The following TIE1 variants were observed in gnomAD, a reference collection of about 807,000 sequenced individuals.
TIE1 encodes tyrosine-protein kinase receptor Tie-1.
Under a neutral mutation model 130.5 loss-of-function variants are expected in TIE1, and 89 were observed. The observed-to-expected ratio is 0.68, with a 90% CI of 0.57 to 0.81. The LOEUF is 0.81. Among genes scored for constraint, TIE1 ranks in the 40% least tolerant of loss-of-function variants. The pLI, the probability that TIE1 is intolerant of heterozygous loss-of-function variation, is 0.00. For synonymous variants in TIE1, 568 were observed against 629.4 expected, an observed-to-expected ratio of 0.90 and a Z score of 1.46; for missense variants, 1,392 against 1,559.8, an observed-to-expected ratio of 0.89 and a Z score of 1.81.
chr1:43,313,635 A>T lies in TIE1; in HGVS notation c.2219-143A>T, dbSNP rs1646828031. On this transcript the variant is annotated intron_variant, in intron 13 of 22. Transcript: ENST00000372476. This position sits in a 1 kb window ranked among gnomAD's most constrained non-coding sequence, Gnocchi z 6.2. ...TCATGTCGCCCCTCTGACACCCCTC[A>T]TCCCTTCCTTCATGTGGCCCAAGTG... The T allele has an allele frequency of 1.9e-6, 2 of 1,053,412 alleles. No individual in the cohort carries two copies. Among genetic ancestry groups the T allele is most frequent in the African/African-American group, 3.2e-5 (2 of 62,260 alleles). 65.3% of individuals were successfully genotyped at this position (1,053,412 alleles called of 1,614,324 possible).
rs757189458 is a variant in TIE1 at position 43,313,493 on chromosome 1, A to G, written c.2218+68A>G. Reference sequence around the variant, plus strand: ...GGAGAGCTCAGCACGCTCTCCTTCCACATCACCCCCTACTGTGGAGCTAGG... The same window carrying G: ...GGAGAGCTCAGCACGCTCTCCTTCCGCATCACCCCCTACTGTGGAGCTAGG... On this transcript the variant is annotated intron_variant, in intron 13 of 22. Transcript: ENST00000372476. This position sits in a 1 kb window ranked among gnomAD's most constrained non-coding sequence, Gnocchi z 6.2. 5 of 1,571,978 alleles carry G rather than the reference A, an allele frequency of 3.2e-6. No individual in the cohort carries two copies. The highest frequency in any genetic ancestry group is 4.3e-6 in the Non-Finnish European group (5 of 1,152,530).
At position 43,307,603 on chromosome 1, in the gene TIE1, C is replaced by G; in HGVS notation, c.913+31C>G. ...CCTAACCTACCCTCATGGTCCCTGA[C>G]CAAGACAGCTGGCCAGGAGCTTGAC... is the stretch of plus-strand genomic sequence containing the variant. On this transcript the variant is annotated intron_variant, in intron 6 of 22. Coordinates refer to ENST00000372476, the MANE Select transcript of TIE1 (RefSeq NM_005424.5). The surrounding 1 kb of genome is among the most constrained non-coding windows in gnomAD (Gnocchi z 5.4). 1 of 1,613,586 alleles carries G rather than the reference C, an allele frequency of 6.2e-7. No homozygotes were observed. The highest frequency in any genetic ancestry group is 8.5e-7 in the Non-Finnish European group (1 of 1,179,690).
chr1:43,301,229 T>C (rs1424614057), intron 1 of TIE1, 100 bp downstream of exon 1: 17 of 1,331,076 alleles, frequency 1.3e-5, no homozygotes, highest in South Asian at 5.8e-5. Flanking sequence ...AGTAGGATGA[T>C]GGTTGCCATG....
At position 43,317,128 on chromosome 1, in the gene TIE1, C is replaced by T. The variant is rs1284769703; in HGVS notation, c.2410-71C>T. The stretch of plus-strand genomic sequence containing the variant: ...CTGACACTGAAACCTCCTCGTGTGC[C>T]TGTCTGTGCCTCCTTCCGCCCCCTT... On this transcript the variant is annotated intron_variant, in intron 14 of 22. Transcript: ENST00000372476. This position sits in a 1 kb window ranked among gnomAD's most constrained non-coding sequence, Gnocchi z 5.1. The T allele has an allele frequency of 2.6e-6, 4 of 1,514,064 alleles. No homozygotes were observed. Among genetic ancestry groups the T allele is most frequent in the African/African-American group, 2.7e-5 (2 of 72,948 alleles). The allele number at this position is 1,514,064 out of a possible 1,614,324, so 93.8% of individuals were successfully genotyped here. A position where few individuals can be genotyped will look rare whatever the true frequency, so the allele number is the denominator to read the frequency against.
rs1373922269 is a variant in TIE1 at position 43,315,856 on chromosome 1, T to C, written c.2410-1343T>C. On this transcript the variant is annotated intron_variant, in intron 14 of 22. Transcript: ENST00000372476. This position sits in a 1 kb window ranked among gnomAD's most constrained non-coding sequence, Gnocchi z 4.4. Reference sequence around the variant, plus strand: ...TACTCTATATCAAGATATATCCCCCTAGCCTGGGCAACATGGCAAAACCCC... The same window carrying C: ...TACTCTATATCAAGATATATCCCCCCAGCCTGGGCAACATGGCAAAACCCC... 6.6e-6 allele frequency among the ~76,000 whole-genome samples: 1 copy of C among 151,970 alleles called. No individual in the cohort carries two copies. The highest frequency in any genetic ancestry group is 2.4e-5 in the African/African-American group (1 of 41,378).
chr1:43,317,329 A>C lies in TIE1; in HGVS notation c.2540A>C (p.Glu847Ala). ...EDITFEDLIG[E>A]GNFGQVIRAM... is the part of the protein sequence containing the mutation. ...ATCACCTTTGAGGACCTCATCGGGGAGGGGAACTTCGGCCAGGTCATCCGG... is the reference window on the plus strand; with the variant it reads ...ATCACCTTTGAGGACCTCATCGGGGCGGGGAACTTCGGCCAGGTCATCCGG... Residue 847 changes from glutamate to alanine, a missense_variant, in exon 15 of 23, where the codon GAG becomes GCG. Glu to Ala is a moderately radical substitution (Grantham distance 107). Transcript: ENST00000372476. This position sits in a 1 kb window ranked among gnomAD's most constrained non-coding sequence, Gnocchi z 5.1. The C allele has an allele frequency of 6.2e-7, 1 of 1,614,030 alleles. No individual in the cohort carries two copies. Among genetic ancestry groups the C allele is most frequent in the Middle Eastern group, 1.6e-4 (1 of 6,062 alleles).
chr1:43,309,566 G>A lies in TIE1; in HGVS notation c.1333+34G>A, dbSNP rs766311832. 46 of 1,546,250 alleles carry A rather than the reference G, an allele frequency of 3.0e-5. 1 individual carries two copies. The South Asian group carries it at 5.0e-4, about 17-fold the overall frequency. ...TGTCCTAGGTCCACAGGGAATGGAC[G>A]GTGAGCAGAGTAGGCTCTAGATGAT... is the stretch of plus-strand genomic sequence containing the variant. On this transcript the variant is annotated intron_variant, in intron 9 of 22. Transcript: ENST00000372476. This position sits in a 1 kb window ranked among gnomAD's most constrained non-coding sequence, Gnocchi z 6.3.
chr1:43,304,946 AG>A lies in TIE1; in HGVS notation c.158del (p.Gly53AlafsTer84). The A allele has an allele frequency of 6.9e-7, 1 of 1,446,254 alleles. No homozygotes were observed. 89.6% of individuals were successfully genotyped at this position (1,446,254 alleles called of 1,614,324 possible). On this transcript the variant is annotated frameshift_variant, in exon 2 of 23. Transcript: ENST00000372476. LOFTEE classifies it high-confidence loss of function. ...CGTGTCTGGGGAGGCCGGGGCGGGGAGGGGCTCGGACGCCTGGGGCCCGCCC... is the reference window on the plus strand; with the variant it reads ...CGTGTCTGGGGAGGCCGGGGCGGGGAGGGCTCGGACGCCTGGGGCCCGCCC... ...TCVSGEAGAG[R>X]GSDAWGPPLL...
Position 43,308,843 on chromosome 1 carries a change from A to G in TIE1, c.1043-143A>G, listed in dbSNP as rs1284882570. 3 of 1,050,638 alleles carry G rather than the reference A, an allele frequency of 2.9e-6. No individual in the cohort carries two copies. In the African/African-American group the frequency reaches 4.7e-5, roughly 17 times the overall value. 65.1% of individuals were successfully genotyped at this position (1,050,638 alleles called of 1,614,324 possible). Reference sequence around the variant, plus strand: ...GGATGTGGGGCTGGGACGCTGGAGGAGTCATGCGGGCCTTTGCTGGTTTTC... The same window carrying G: ...GGATGTGGGGCTGGGACGCTGGAGGGGTCATGCGGGCCTTTGCTGGTTTTC... On this transcript the variant is annotated intron_variant, in intron 7 of 22. Coordinates refer to ENST00000372476, the MANE Select transcript of TIE1 (RefSeq NM_005424.5).
chr1:43,305,080 C>T lies in TIE1; in HGVS notation c.288C>T (p.Pro96=). The change falls in exon 2 of 23, where the codon CCC becomes CCT. Residue 96 remains proline, a synonymous_variant. Coordinates refer to ENST00000372476, the MANE Select transcript of TIE1 (RefSeq NM_005424.5). ...TCACGCTTCGCGGCTTCTCCAAGCC[C>T]TCGGACCTCGTGGGCGTCTTCTCCT... is the stretch of plus-strand genomic sequence containing the variant. ...HQVTLRGFSK[P]SDLVGVFSCV... is the part of the protein sequence containing the mutation. 4 of 1,612,298 alleles carry T rather than the reference C, an allele frequency of 2.5e-6. No individual in the cohort carries two copies. The highest frequency in any genetic ancestry group is 2.5e-6 in the Non-Finnish European group (3 of 1,179,102).
Position 43,317,761 on chromosome 1 carries a change from T to G in TIE1, c.2731+87T>G. On this transcript the variant is annotated intron_variant, in intron 16 of 22. Coordinates refer to ENST00000372476, the MANE Select transcript of TIE1 (RefSeq NM_005424.5). This position sits in a 1 kb window ranked among gnomAD's most constrained non-coding sequence, Gnocchi z 5.1. ...ACCACATGAGTAGCTTGCCAGGGGC[T>G]GCTGGTGACCTGTGCACCACCCTTG... is the stretch of plus-strand genomic sequence containing the variant. The G allele has an allele frequency of 6.8e-7, 1 of 1,461,922 alleles. No homozygotes were observed. Among genetic ancestry groups the G allele is most frequent in the Admixed American group, 1.8e-5 (1 of 54,450 alleles). 90.6% of individuals were successfully genotyped at this position (1,461,922 alleles called of 1,614,324 possible).
chr1:43,309,581 C>A lies in TIE1; in HGVS notation c.1333+49C>A. ...GGGAATGGACGGTGAGCAGAGTAGG[C>A]TCTAGATGATGCTGCTCAGGCTGGA... On this transcript the variant is annotated intron_variant, in intron 9 of 22. Transcript: ENST00000372476. The surrounding 1 kb of genome is among the most constrained non-coding windows in gnomAD (Gnocchi z 6.3). 1 of 1,526,906 alleles carries A rather than the reference C, an allele frequency of 6.5e-7. No individual in the cohort carries two copies. The highest frequency in any genetic ancestry group is 1.4e-5 in the African/African-American group (1 of 72,244). 94.6% of individuals were successfully genotyped at this position (1,526,906 alleles called of 1,614,324 possible). A position where few individuals can be genotyped will look rare whatever the true frequency, so the allele number is the denominator to read the frequency against.
At position 43,306,629 on chromosome 1, in the gene TIE1, C is replaced by A. The variant is rs1016418949; in HGVS notation, c.485-211C>A. Among the ~76,000 whole-genome samples the A allele has an allele frequency of 2.0e-5, 3 of 152,056 alleles. No homozygotes were observed. Among genetic ancestry groups the A allele is most frequent in the African/African-American group, 7.2e-5 (3 of 41,402 alleles). ...GGGGATGAGGAGGAGATGGACTGAG[C>A]AGGACTTGGTGATTTACTGGGTGGC... On this transcript the variant is annotated intron_variant, in intron 3 of 22. Transcript: ENST00000372476. The surrounding 1 kb of genome is among the most constrained non-coding windows in gnomAD (Gnocchi z 4.9).
chr1:43,308,819 G>A lies in TIE1; in HGVS notation c.1043-167G>A, dbSNP rs750094723. On this transcript the variant is annotated intron_variant, in intron 7 of 22. Transcript: ENST00000372476. ...AGGAAGTAGACTTTGCAGCTGATGG[G>A]ATGTGGGGCTGGGACGCTGGAGGAG... 153 of 839,350 alleles carry A rather than the reference G, an allele frequency of 1.8e-4. 1 individual carries two copies. Among genetic ancestry groups the A allele is most frequent in the Non-Finnish European group, 2.8e-4 (139 of 499,348 alleles). 52.0% of individuals were successfully genotyped at this position (839,350 alleles called of 1,614,324 possible). A position where few individuals can be genotyped will look rare whatever the true frequency, so the allele number is the denominator to read the frequency against.
Position 43,307,419 on chromosome 1 carries a change from A to T in TIE1, c.773-13A>T, listed in dbSNP as rs766401692. The T allele has an allele frequency of 2.7e-5, 43 of 1,613,338 alleles. 1 individual carries two copies. The highest frequency in any genetic ancestry group is 3.6e-5 in the Non-Finnish European group (43 of 1,179,808). Reference sequence around the variant, plus strand: ...CCACAGAGGCCCATACACCCCACACACTCTCTTTCTAGCCTGCAGAGAGGG... The same window carrying T: ...CCACAGAGGCCCATACACCCCACACTCTCTCTTTCTAGCCTGCAGAGAGGG... On this transcript the variant is annotated splice_polypyrimidine_tract_variant and intron_variant, in intron 5 of 22. Transcript: ENST00000372476. This position sits in a 1 kb window ranked among gnomAD's most constrained non-coding sequence, Gnocchi z 5.4.
chr1:43,317,321 C>T lies in TIE1; in HGVS notation c.2532C>T (p.Leu844=), dbSNP rs763237930. The change falls in exon 15 of 23, where the codon CTC becomes CTT. Residue 844 remains leucine (L), a synonymous_variant. Transcript: ENST00000372476. The surrounding 1 kb of genome is among the most constrained non-coding windows in gnomAD (Gnocchi z 5.1). ...GGGAGGACATCACCTTTGAGGACCT[C>T]ATCGGGGAGGGGAACTTCGGCCAGG... The part of the protein sequence containing the change: ...LEWEDITFED[L]IGEGNFGQVI... The T allele has an allele frequency of 6.2e-7, 1 of 1,614,126 alleles. No individual in the cohort carries two copies. Among genetic ancestry groups the T allele is most frequent in the Non-Finnish European group, 8.5e-7 (1 of 1,180,032 alleles).
rs534942323 is a variant in TIE1 at position 43,308,924 on chromosome 1, C to T, written c.1043-62C>T. 1.9e-4 allele frequency: 301 copies of T among 1,610,044 alleles called. No homozygotes were observed. The Middle Eastern group carries it at 5.6e-3, about 30-fold the overall frequency. On this transcript the variant is annotated intron_variant, in intron 7 of 22. Coordinates refer to ENST00000372476, the MANE Select transcript of TIE1 (RefSeq NM_005424.5). ...TGAGAAACAGAACACGGATGAGGGGCGCTTTGGTGGTCACGTGTCTGCCCC... is the reference window on the plus strand; with the variant it reads ...TGAGAAACAGAACACGGATGAGGGGTGCTTTGGTGGTCACGTGTCTGCCCC...
chr1:43,304,119 A>AGAATGG (rs1646698448), intron 1 of TIE1, among the ~76,000 whole-genome samples: 1 of 152,142 alleles, frequency 6.6e-6, no homozygotes, highest in African/African-American at 2.4e-5. Flanking sequence ...CTTTTTCTGG[A>AGAATGG]GAATGGGGTC....
chr1:43,305,385 C>T (rs754412182), intron 3 of TIE1, 42 bp downstream of exon 3: 123 of 1,465,776 alleles, frequency 8.4e-5, no homozygotes, highest in Admixed American at 1.5e-4. Context: ...GTAGACCCAT[C>T]GTTCTGAGGC....
Sources: allele counts gnomAD v4.1 joint callset (sites outside exome capture counted in the v4.1 genomes callset), GRCh38; gene constraint gnomAD v4.1.1; non-coding constraint Gnocchi (gnomAD v3.1); transcripts MANE v1.5; gene names NCBI Gene and HGNC (gene_info 2026-07-23, HGNC 2026-07-21).